Variants in BRINP3 observed in about 807,000 individuals in gnomAD.
BRINP3 encodes the protein BMP/retinoic acid-inducible neural-specific protein 3.
BRINP3 carries 19 observed loss-of-function variants against 71.0 expected under a neutral mutation model. The observed-to-expected ratio is 0.27, with a 90% confidence interval of 0.19 to 0.39. BRINP3 has a LOEUF of 0.39. Among genes scored for constraint, BRINP3 ranks in the 10% least tolerant of loss-of-function variants. The pLI, the probability that BRINP3 is intolerant of heterozygous loss-of-function variation, is 1.00. For missense variants in BRINP3, 959 were observed against 940.8 expected, an observed-to-expected ratio of 1.02 and a Z score of -0.25; for synonymous variants, 380 against 337.7, an observed-to-expected ratio of 1.13 and a Z score of -1.37.
intron 2 of BRINP3, among the ~76,000 whole-genome samples, chr1:190,345,108 AT>A (rs961105704): frequency 2.4e-4 from 36 of 151,982 alleles, no homozygotes; most frequent in African/African-American, 7.5e-4. Context: ...GTCCTTGTTC[AT>A]GTATGCACAC....
intron 4 of BRINP3, among the ~76,000 whole-genome samples, chr1:190,259,596 C>G (rs1444201631): frequency 6.9e-6 from 1 of 145,120 alleles, no homozygotes; most frequent in East Asian, 2.0e-4. Flanking sequence ...CCATTCTCAC[C>G]ACCAGGAGAA....
rs1273093850 is a variant in BRINP3 at position 190,301,352 on chromosome 1, T to C, written c.237-19602A>G. Among the ~76,000 whole-genome samples the C allele has an allele frequency of 2.0e-5, 3 of 149,892 alleles. No individual in the cohort carries two copies. In the East Asian group the frequency reaches 5.9e-4, roughly 29 times the overall value. On this transcript the variant is annotated intron_variant, in intron 2 of 7. Transcript: ENST00000367462. ...TTTATCTCTGCCATTTATAATATAA[T>C]TGTGTTTAATATTTCCTCTAAATTC...
chr1:190,162,568 T>C (rs1350134837), intron 6 of BRINP3, among the ~76,000 whole-genome samples: 2 of 152,204 alleles, frequency 1.3e-5, no homozygotes, highest in East Asian at 3.9e-4. Context: ...ATTATTTACA[T>C]AGCAGATGCC....
At chr1:190,100,270 C>A (rs531982374) in intron 7 of BRINP3, among the ~76,000 whole-genome samples, 25 of 152,178 alleles carry the variant, frequency 1.6e-4, no homozygotes, top group African/African-American at 5.5e-4. Flanking sequence ...TTTGGATTTC[C>A]TGCAAAATAT....
At chr1:190,397,526 T>C (rs532156002) in intron 2 of BRINP3, among the ~76,000 whole-genome samples, 9 of 152,142 alleles carry the variant, frequency 5.9e-5, no homozygotes, top group African/African-American at 2.2e-4. Flanking sequence ...TTGTGTACCT[T>C]AGATTTCTTT....
At chr1:190,376,426 C>G (rs1471114940) in intron 2 of BRINP3, among the ~76,000 whole-genome samples, 1 of 152,008 alleles carries the variant, frequency 6.6e-6, no homozygotes, top group Non-Finnish European at 1.5e-5. Flanking sequence ...TATCATCTGT[C>G]TGCCTACTTA....
chr1:190,273,018 A>C (rs1662243495), intron 3 of BRINP3, among the ~76,000 whole-genome samples: 1 of 150,156 alleles, frequency 6.7e-6, no homozygotes, highest in African/African-American at 2.4e-5. Context: ...CTCAATTTAC[A>C]TGGAGAATAG....
At position 190,204,454 on chromosome 1, in the gene BRINP3, A is replaced by T. The variant is rs4986753; in HGVS notation, c.961+21628T>A. Among the ~76,000 whole-genome samples the T allele has an allele frequency of 1.2e-3, 32 of 27,096 alleles. No individual in the cohort carries two copies. In the East Asian group the frequency reaches 0.037, roughly 32 times the overall value. 17.8% of individuals were successfully genotyped at this position (27,096 alleles called of 152,430 possible). A position where few individuals can be genotyped will look rare whatever the true frequency, so the allele number is the denominator to read the frequency against. On this transcript the variant is annotated intron_variant, in intron 6 of 7. Transcript: ENST00000367462. ...CAAATATATTAAAAACTAGATGGAA[A>T]AACTAGGATTCATTATGTGTAGCTT...
chr1:190,311,046 A>G (rs1224586242), intron 2 of BRINP3, among the ~76,000 whole-genome samples: 1 of 151,678 alleles, frequency 6.6e-6, no homozygotes, highest in African/African-American at 2.4e-5. Context: ...CCTGATAACT[A>G]TTACTTAAAA....
intron 2 of BRINP3, among the ~76,000 whole-genome samples, chr1:190,287,674 G>T (rs1663538914): frequency 6.6e-6 from 1 of 151,986 alleles, no homozygotes; most frequent in African/African-American, 2.4e-5. Flanking sequence ...AAGACAATTG[G>T]CATGACTGCA....
chr1:190,353,808 C>T (rs1479527449), intron 2 of BRINP3, among the ~76,000 whole-genome samples: 1 of 152,100 alleles, frequency 6.6e-6, no homozygotes, highest in East Asian at 1.9e-4. Flanking sequence ...GCCCATATTA[C>T]ACCATCTCCA....
chr1:190,354,354 C>A (rs1373035277), intron 2 of BRINP3, among the ~76,000 whole-genome samples: 6 of 151,714 alleles, frequency 4.0e-5, no homozygotes, highest in Admixed American at 1.3e-4. Flanking sequence ...ACGGACAGCC[C>A]CACTACAAAG....
At chr1:190,292,202 G>A (rs1014825618) in intron 2 of BRINP3, among the ~76,000 whole-genome samples, 1 of 152,064 alleles carries the variant, frequency 6.6e-6, no homozygotes, top group East Asian at 1.9e-4. Flanking sequence ...AATGACAGAA[G>A]GAAGAAGTTC....
chr1:190,233,466 C>A (rs1176434100), intron 5 of BRINP3, among the ~76,000 whole-genome samples: 1 of 152,116 alleles, frequency 6.6e-6, no homozygotes, highest in Non-Finnish European at 1.5e-5. Context: ...CAGGCATAAG[C>A]CACCACGTGG....
At chr1:190,335,411 T>C (rs928027325) in intron 2 of BRINP3, among the ~76,000 whole-genome samples, 2 of 151,930 alleles carry the variant, frequency 1.3e-5, no homozygotes, top group Non-Finnish European at 2.9e-5. Context: ...ATGATGTCTT[T>C]ATTTTATAAA....
chr1:190,361,299 T>C (rs758420438), intron 2 of BRINP3, among the ~76,000 whole-genome samples: 250 of 152,150 alleles, frequency 1.6e-3, no homozygotes, highest in Non-Finnish European at 2.3e-3. Flanking sequence ...CCGAAGAGAT[T>C]AGAGATATCA....
chr1:190,106,658 ATATAT>A (rs1357435388), intron 7 of BRINP3, among the ~76,000 whole-genome samples: 34 of 151,406 alleles, frequency 2.2e-4, no homozygotes, highest in Admixed American at 2.2e-3. Context: ...TTTTAAAAAC[ATATAT>A]TTATTTATTA....
chr1:190,171,792 G>A (rs190037519), intron 6 of BRINP3, among the ~76,000 whole-genome samples: 1 of 152,188 alleles, frequency 6.6e-6, no homozygotes, highest in Non-Finnish European at 1.5e-5. Flanking sequence ...ATGACATTCA[G>A]CTGTAATCTG....
chr1:190,338,824 A>G (rs1667460044), intron 2 of BRINP3, among the ~76,000 whole-genome samples: 1 of 151,916 alleles, frequency 6.6e-6, no homozygotes, highest in Non-Finnish European at 1.5e-5. Flanking sequence ...TTTAATTAAG[A>G]AAAACTATCA....
Sources: gnomAD v4.1 joint callset for allele counts (sites outside exome capture counted in the v4.1 genomes callset) on GRCh38, gnomAD v4.1.1 for gene constraint, MANE v1.5 for transcripts, NCBI Gene and HGNC (gene_info 2026-07-23, HGNC 2026-07-21) for gene names.